The following CPSF7 variants were observed in gnomAD, a reference collection of about 807,000 sequenced individuals.
The protein encoded by CPSF7 is cleavage and polyadenylation specific factor 7.
In CPSF7, 1 loss-of-function variant was observed where a neutral mutation model predicts 44.3. That is an observed-to-expected ratio of 0.02 (90% confidence interval 0.01 to 0.11). CPSF7 has a LOEUF of 0.11. CPSF7 is among the 10% of genes least tolerant of loss of function. The pLI, the probability that CPSF7 is intolerant of heterozygous loss-of-function variation, is 1.00. For missense variants in CPSF7, 443 were observed against 607.2 expected (o/e 0.73, Z 2.84); for synonymous variants, 202 against 222.0 (o/e 0.91, Z 0.80).
chr11:61,411,721 A>T, intron 8 of CPSF7, 48 bp downstream of exon 8: 1 of 1,556,480 alleles, frequency 6.4e-7, no homozygotes, highest in Non-Finnish European at 8.8e-7. Flanking sequence ...CTATCCCTGG[A>T]AGAGTGCTGC....
chr11:61,411,682 A>G, intron 8 of CPSF7, 87 bp downstream of exon 8: 1 of 1,275,754 alleles, frequency 7.8e-7, no homozygotes, highest in Non-Finnish European at 1.1e-6. Flanking sequence ...TCTTTCCCAG[A>G]TTCCCTGGGC....
chr11:61,428,913 G>T, intron 2 of CPSF7: 1 of 259,022 alleles, frequency 3.9e-6, no homozygotes. Flanking sequence ...GCTTCCTGGG[G>T]AGTAAATTCC....
chr11:61,414,068 G>A (rs1394842388), intron 7 of CPSF7, among the ~76,000 whole-genome samples: 1 of 151,956 alleles, frequency 6.6e-6, no homozygotes, highest in South Asian at 2.1e-4. Flanking sequence ...AAGGAACAAT[G>A]AGTACTTTCT....
rs1320976904 is a variant in CPSF7, at chr11:61,404,381, A to G, written c.*329T>C. 3 of 152,580 alleles carry G rather than the reference A, an allele frequency of 2.0e-5. No individual in the cohort carries two copies. The East Asian group carries it at 5.8e-4, about 29-fold the overall frequency. 9.5% of individuals were successfully genotyped at this position (152,580 alleles called of 1,614,324 possible). A position where few individuals can be genotyped will look rare whatever the true frequency, so the allele number is the denominator to read the frequency against. On this transcript the variant is annotated 3_prime_UTR_variant, in exon 10 of 10. Transcript: ENST00000439958. Reference sequence around the variant, plus strand: ...AACCTCACCATTGAACGGCTCCCGGAGAATCAGAAACTCATACGTTTTCTT... The same window carrying G: ...AACCTCACCATTGAACGGCTCCCGGGGAATCAGAAACTCATACGTTTTCTT...
Position 61,420,026 on chromosome 11 carries a change from A to C in CPSF7, c.446T>G (p.Val149Gly). 6.2e-7 allele frequency: 1 copy of C among 1,614,076 alleles called. No homozygotes were observed. The highest frequency in any genetic ancestry group is 8.5e-7 in the Non-Finnish European group (1 of 1,179,966). ...HKLLELLPGKVLNGEKVDVRP... is the reference protein window; with the variant it reads ...HKLLELLPGKGLNGEKVDVRP... ...CACGTCCACTTTTTCTCCATTAAGA[A>C]CTTTCCCTGGTAGGAGTTCCAACAA... Residue 149 changes from valine to glycine, a missense_variant, in exon 5 of 10, where the codon GTT (valine) becomes GGT (glycine). Val to Gly is a moderately radical substitution (Grantham distance 109). Coordinates refer to ENST00000439958, the MANE Select transcript of CPSF7 (RefSeq NM_001142565.3).
intron 9 of CPSF7, among the ~76,000 whole-genome samples, chr11:61,409,196 G>A (rs372266417): frequency 9.2e-5 from 14 of 151,504 alleles, no homozygotes; most frequent in African/African-American, 2.2e-4. Flanking sequence ...AAAAACAGCC[G>A]GGTGCGGTGG....
chr11:61,415,404 A>G (rs1363293206), intron 7 of CPSF7, among the ~76,000 whole-genome samples: 9 of 152,168 alleles, frequency 5.9e-5, no homozygotes, highest in Non-Finnish European at 1.0e-4. Context: ...AGCAAACACC[A>G]CATCGAGATG....
At chr11:61,414,307 C>T (rs376732393) in intron 7 of CPSF7, among the ~76,000 whole-genome samples, 2 of 152,194 alleles carry the variant, frequency 1.3e-5, no homozygotes, top group African/African-American at 2.4e-5. Context: ...TAGGCATGTG[C>T]CACCATGCCT....
intron 2 of CPSF7, among the ~76,000 whole-genome samples, chr11:61,422,625 T>C (rs1415463591): frequency 2.6e-5 from 4 of 151,974 alleles, no homozygotes; most frequent in Non-Finnish European, 5.9e-5. Flanking sequence ...CAATATTCAA[T>C]GATATACAAA....
At chr11:61,405,486 A>G (rs1046710568) in intron 9 of CPSF7, among the ~76,000 whole-genome samples, 1 of 152,226 alleles carries the variant, frequency 6.6e-6, no homozygotes, top group African/African-American at 2.4e-5. Flanking sequence ...AATGCAGTTA[A>G]GAAGTTTTAC....
intron 9 of CPSF7, among the ~76,000 whole-genome samples, chr11:61,405,498 C>T (rs900389475): frequency 2.0e-5 from 3 of 152,166 alleles, no homozygotes; most frequent in African/African-American, 7.2e-5. Flanking sequence ...AAGTTTTACC[C>T]AAAAGGGTCT....
chr11:61,416,594 G>T, intron 5 of CPSF7, 75 bp from the exon 6 acceptor site: 1 of 1,437,302 alleles, frequency 7.0e-7, no homozygotes, highest in Non-Finnish European at 9.7e-7. Flanking sequence ...TCCTTCAGAA[G>T]TTATCAGACA....
chr11:61,417,078 GAA>G (rs1860404021), intron 5 of CPSF7, among the ~76,000 whole-genome samples: 1 of 152,098 alleles, frequency 6.6e-6, no homozygotes, highest in African/African-American at 2.4e-5. Context: ...ATCAGGGTGA[GAA>G]AGAGACACAC....
At chr11:61,416,036 C>T (rs1860304074) in intron 6 of CPSF7, 69 bp downstream of exon 6, 1 of 1,345,612 alleles carries the variant, frequency 7.4e-7, no homozygotes, top group African/African-American at 1.5e-5. Context: ...CTCACTTTCT[C>T]AGGGAGAATA....
Position 61,411,779 on chromosome 11 carries a change from T to A in CPSF7, c.1216A>T (p.Ser406Cys). 2 of 1,610,646 alleles carry A rather than the reference T, an allele frequency of 1.2e-6. No individual in the cohort carries two copies. The highest frequency in any genetic ancestry group is 1.7e-6 in the Non-Finnish European group (2 of 1,178,052). Residue 406 changes from serine to cysteine, a missense_variant, in exon 8 of 10, where the codon AGC becomes TGC. Physicochemically the swap from Ser to Cys is moderately radical, Grantham distance 112. Transcript: ENST00000439958. ...AKSYSVGASG[S>C]SSRKRHRSRE... ...CAATCACCAACTCACCTGGAAGAGC[T>A]CCCACTGGCACCCACACTGTAGGAC...
chr11:61,422,141 G>A (rs1860939823), intron 2 of CPSF7, among the ~76,000 whole-genome samples: 1 of 152,142 alleles, frequency 6.6e-6, no homozygotes, highest in African/African-American at 2.4e-5. Context: ...TCCCTTGATT[G>A]GTATAAATGA....
chr11:61,417,945 A>C (rs1203816254), intron 5 of CPSF7, among the ~76,000 whole-genome samples: 1 of 152,228 alleles, frequency 6.6e-6, no homozygotes, highest in Non-Finnish European at 1.5e-5. Flanking sequence ...TTTTCAGCAA[A>C]AAAAAGTAAC....
At chr11:61,429,065 A>G in intron 2 of CPSF7, 117 bp downstream of exon 2, 1 of 580,118 alleles carries the variant, frequency 1.7e-6, no homozygotes, top group Non-Finnish European at 3.1e-6. Context: ...AAAATTTTAG[A>G]CCGGATAGAC....
chr11:61,420,891 T>C (rs1860801643), intron 3 of CPSF7: 1 of 493,976 alleles, frequency 2.0e-6, no homozygotes, highest in Non-Finnish European at 3.8e-6. Context: ...CAGGCTAGAG[T>C]TGACCATTGC....
Sources: allele counts gnomAD v4.1 joint callset (sites outside exome capture counted in the v4.1 genomes callset), GRCh38; gene constraint gnomAD v4.1.1; transcripts MANE v1.5; gene names NCBI Gene and HGNC (gene_info 2026-07-23, HGNC 2026-07-21).